RBMS3: variants seen among roughly 807,000 people sequenced by gnomAD.
RBMS3 encodes RNA binding motif single stranded interacting protein 3, also known as RNA-binding motif, single-stranded-interacting protein 3.
A neutral mutation model predicts 66.8 loss-of-function variants in RBMS3; 27 were observed. The ratio of observed to expected loss-of-function variants is 0.40; its 90% CI spans 0.30 to 0.56. The LOEUF is 0.56. Among genes scored for constraint, RBMS3 ranks in the 20% least tolerant of loss-of-function variants. The probability of loss-of-function intolerance (pLI) is 0.40; values close to 1 mark genes in which losing one functional copy is unlikely to be tolerated. For missense variants in RBMS3, 513 were observed against 549.5 expected, an observed-to-expected ratio of 0.93 and a Z score of 0.66; for synonymous variants, 188 against 183.0, an observed-to-expected ratio of 1.03 and a Z score of -0.22.
intron 1 of RBMS3, among the ~76,000 whole-genome samples, chr3:29,417,596 C>G (rs1188519924): frequency 6.6e-6 from 1 of 152,124 alleles, no homozygotes; most frequent in Middle Eastern, 3.4e-3. Flanking sequence ...AAGAATGTCC[C>G]CCTTTCTGCA....
intron 1 of RBMS3, among the ~76,000 whole-genome samples, chr3:29,306,065 ATCTTT>A (rs998370590): frequency 2.0e-5 from 3 of 151,962 alleles, no homozygotes; most frequent in African/African-American, 4.8e-5. Flanking sequence ...TGCTTGACAT[ATCTTT>A]TCTTTTAGAC....
chr3:29,945,365 C>G (rs1420038751), intron 12 of RBMS3, among the ~76,000 whole-genome samples: 1 of 151,586 alleles, frequency 6.6e-6, no homozygotes, highest in Non-Finnish European at 1.5e-5. Context: ...TGGCTGAATA[C>G]TCATCTTTAA....
chr3:29,801,272 C>CTTTTTTTT (rs200997680), intron 6 of RBMS3, among the ~76,000 whole-genome samples: 11 of 129,468 alleles, frequency 8.5e-5, no homozygotes, highest in African/African-American at 3.3e-4. Flanking sequence ...TGCTTTTTTT[C>CTTTTTTTT]TTTTTTTTTT....
rs964089922 is a variant in RBMS3, at chr3:29,371,340, C to T, written c.76-63403C>T. On this transcript the variant is annotated intron_variant, in intron 1 of 14. Coordinates refer to ENST00000383767, the MANE Select transcript of RBMS3 (RefSeq NM_001003793.3). ...AGAAACAGACATTTGATTGGTTTTG[C>T]CAGTGAGCCTGGGAAATTCCTAGTG... Among the ~76,000 whole-genome samples, 4 of 152,154 alleles carry T rather than the reference C, an allele frequency of 2.6e-5. No individual in the cohort carries two copies. The East Asian group carries it at 7.7e-4, about 29-fold the overall frequency.
intron 6 of RBMS3, among the ~76,000 whole-genome samples, chr3:29,854,612 T>C (rs2059025500): frequency 6.6e-6 from 1 of 152,198 alleles, no homozygotes; most frequent in African/African-American, 2.4e-5. Flanking sequence ...GACTTGATTG[T>C]TAGCTAACTT....
intron 2 of RBMS3, among the ~76,000 whole-genome samples, chr3:29,483,326 GA>G (rs2043210669): frequency 6.9e-6 from 1 of 144,930 alleles, no homozygotes; most frequent in East Asian, 2.0e-4. Flanking sequence ...AAAAAAAAAA[GA>G]AAAAAGAAAA....
rs192026817 is a variant in RBMS3 at position 29,946,765 on chromosome 3, A to G, written c.1098+2511A>G. On this transcript the variant is annotated intron_variant, in intron 12 of 14. Coordinates refer to ENST00000383767, the MANE Select transcript of RBMS3 (RefSeq NM_001003793.3). Reference sequence around the variant, plus strand: ...AAGAAGAACAGAGATTTGGAAAACTATGGCATGAGAAGGCCTATGAACAAT... The same window carrying G: ...AAGAAGAACAGAGATTTGGAAAACTGTGGCATGAGAAGGCCTATGAACAAT... Among the ~76,000 whole-genome samples, 401 of 151,744 alleles carry G rather than the reference A, an allele frequency of 2.6e-3. 4 individuals are homozygous for G. Among genetic ancestry groups the G allele is most frequent in the East Asian group, 4.1e-3 (21 of 5,140 alleles).
intron 4 of RBMS3, among the ~76,000 whole-genome samples, chr3:29,733,322 G>A (rs748224322): frequency 2.0e-5 from 3 of 151,058 alleles, no homozygotes; most frequent in Non-Finnish European, 4.4e-5. Flanking sequence ...AAAAGCTCTT[G>A]GAATAATCAT....
intron 4 of RBMS3, among the ~76,000 whole-genome samples, chr3:29,640,255 TACACACACAC>T (rs34719305): frequency 3.2e-4 from 45 of 140,070 alleles, no homozygotes; most frequent in Non-Finnish European, 2.0e-4. Context: ...ACATTTTGGT[TACACACACAC>T]ACACACACAC....
intron 3 of RBMS3, among the ~76,000 whole-genome samples, chr3:29,514,118 T>C (rs1017350012): frequency 6.6e-6 from 1 of 152,196 alleles, no homozygotes; most frequent in Non-Finnish European, 1.5e-5. Flanking sequence ...AAGCATATAA[T>C]AGATTGGTAA....
intron 1 of RBMS3, among the ~76,000 whole-genome samples, chr3:29,312,828 T>G (rs1239614311): frequency 6.6e-6 from 1 of 151,692 alleles, no homozygotes; most frequent in Non-Finnish European, 1.5e-5. Flanking sequence ...CTGGAAACTG[T>G]GGACTTTAGA....
chr3:29,462,614 T>G (rs1358091230), intron 2 of RBMS3, among the ~76,000 whole-genome samples: 1 of 152,198 alleles, frequency 6.6e-6, no homozygotes, highest in Non-Finnish European at 1.5e-5. Context: ...TACTCAGACC[T>G]TAGAATGGAT....
chr3:29,518,601 C>T (rs1189513102), intron 3 of RBMS3, among the ~76,000 whole-genome samples: 1 of 152,182 alleles, frequency 6.6e-6, no homozygotes, highest in Non-Finnish European at 1.5e-5. Flanking sequence ...TCTCTTTTCA[C>T]CTTGGCAGGA....
chr3:29,703,462 G>A (rs2052725720), intron 4 of RBMS3, among the ~76,000 whole-genome samples: 2 of 152,200 alleles, frequency 1.3e-5, no homozygotes, highest in South Asian at 4.1e-4. Flanking sequence ...GAGAACATCT[G>A]AATATCAGAT....
Position 29,702,767 on chromosome 3 carries a change from C to T in RBMS3, c.400-36953C>T, listed in dbSNP as rs535266650. The stretch of plus-strand genomic sequence containing the variant: ...TCTGCAGTTTTACTCCTGAAGCCAG[C>T]GAGACCACGAACCCACCAGAAGGAA... On this transcript the variant is annotated intron_variant, in intron 4 of 14. Transcript: ENST00000383767. Among the ~76,000 whole-genome samples, 22 of 152,168 alleles carry T rather than the reference C, an allele frequency of 1.4e-4. 1 individual carries two copies. Among genetic ancestry groups the T allele is most frequent in the Admixed American group, 1.4e-3 (21 of 15,280 alleles).
At chr3:29,347,538 C>T (rs953631720) in intron 1 of RBMS3, among the ~76,000 whole-genome samples, 6 of 152,006 alleles carry the variant, frequency 3.9e-5, no homozygotes, top group Non-Finnish European at 5.9e-5. Flanking sequence ...TGTGCATTCG[C>T]GATGGGGGGA....
intron 4 of RBMS3, among the ~76,000 whole-genome samples, chr3:29,692,469 C>A (rs1222354434): frequency 1.3e-5 from 2 of 152,106 alleles, no homozygotes; most frequent in Non-Finnish European, 2.9e-5. Flanking sequence ...CTTGAATATG[C>A]TTGAGTGACC....
At chr3:29,512,863 A>G (rs2044469586) in intron 3 of RBMS3, among the ~76,000 whole-genome samples, 3 of 152,192 alleles carry the variant, frequency 2.0e-5, no homozygotes, top group African/African-American at 4.8e-5. Flanking sequence ...TCCTTTCTTT[A>G]TAATCTTGCA....
intron 3 of RBMS3, among the ~76,000 whole-genome samples, chr3:29,519,847 T>C (rs1328406835): frequency 2.0e-5 from 3 of 152,192 alleles, no homozygotes; most frequent in East Asian, 3.8e-4. Flanking sequence ...TAACTTTTAC[T>C]GTGATTTATT....
Sources: gnomAD v4.1 joint callset for allele counts (sites outside exome capture counted in the v4.1 genomes callset) on GRCh38, gnomAD v4.1.1 for gene constraint, MANE v1.5 for transcripts, NCBI Gene and HGNC (gene_info 2026-07-23, HGNC 2026-07-21) for gene names.